Variants in MAPK9 observed in about 807,000 individuals in gnomAD.
MAPK9 encodes the protein Jun kinase.
In MAPK9, 30 loss-of-function variants were observed where a neutral mutation model predicts 57.1. The ratio of observed to expected loss-of-function variants is 0.53; its 90% confidence interval spans 0.39 to 0.71. The LOEUF is 0.71. Ranked by LOEUF, MAPK9 falls within the 30% of genes least tolerant of loss-of-function variation. The pLI is 0.00. For synonymous variants in MAPK9, 155 were observed against 177.0 expected, an observed-to-expected ratio of 0.88 and a Z score of 0.99; for missense variants, 362 against 521.0, an observed-to-expected ratio of 0.69 and a Z score of 2.97.
At chr5:180,264,939 G>A in intron 3 of MAPK9, 100 bp from the exon 4 acceptor site, 1 of 951,020 alleles carries the variant, frequency 1.1e-6, no homozygotes, top group Non-Finnish European at 1.4e-6. Context: ...AAAAATCACA[G>A]CAGAATTCAG....
chr5:180,291,613 G>A (rs912954627), intron 1 of MAPK9, among the ~76,000 whole-genome samples: 2 of 151,994 alleles, frequency 1.3e-5, no homozygotes, highest in Non-Finnish European at 2.9e-5. Context: ...CAGACCCCAC[G>A]GGCAGGTCGG....
intron 1 of MAPK9, among the ~76,000 whole-genome samples, chr5:180,281,065 T>A (rs17080153): frequency 0.067 from 10,207 of 152,246 alleles, 1,030 homozygotes; most frequent in African/African-American, 0.22. Flanking sequence ...CTGCTCAGTG[T>A]ATAGATTCTG....
At chr5:180,245,873 C>T (rs934616740) in intron 7 of MAPK9, among the ~76,000 whole-genome samples, 2 of 152,176 alleles carry the variant, frequency 1.3e-5, no homozygotes, top group African/African-American at 4.8e-5. Context: ...CTGATTTCTG[C>T]AACTTTTTTC....
At chr5:180,248,878 A>C (rs1165496435) in intron 6 of MAPK9, 95 bp downstream of exon 6, 5 of 1,360,938 alleles carry the variant, frequency 3.7e-6, no homozygotes, top group Non-Finnish European at 5.0e-6. Flanking sequence ...CCCACAGTAT[A>C]TATCATATGG....
rs200430102 is a variant in MAPK9, at chr5:180,245,599, A to G, written c.688+1840T>C. The stretch of plus-strand genomic sequence containing the variant: ...TGAGAGGGACGGGGGAAGGGGAACA[A>G]TAATTCCGACAAGCCCAGTGGACCC... On this transcript the variant is annotated intron_variant, in intron 7 of 11. Transcript: ENST00000452135. Among the ~76,000 whole-genome samples, 6 of 152,286 alleles carry G rather than the reference A, an allele frequency of 3.9e-5. No homozygotes were observed. In the East Asian group the frequency reaches 9.7e-4, roughly 25 times the overall value.
intron 5 of MAPK9, 115 bp downstream of exon 5, chr5:180,261,569 T>C (rs1328596993): frequency 2.0e-6 from 2 of 1,007,182 alleles, no homozygotes; most frequent in Non-Finnish European, 2.8e-6. Context: ...TATGATTCCA[T>C]CATCTATTTG....
Position 180,236,239 on chromosome 5 carries a change from T to C in MAPK9, c.*145A>G. ...ATTTTATCATCTAAGCAGGCAATCC[T>C]ATCAGGTCTGAGTAGGGCAAGGCAT... On this transcript the variant is annotated 3_prime_UTR_variant, in exon 12 of 12. Transcript: ENST00000452135. 1 of 822,982 alleles carries C rather than the reference T, an allele frequency of 1.2e-6. No homozygotes were observed. The highest frequency in any genetic ancestry group is 1.7e-6 in the Non-Finnish European group (1 of 585,202). 51.0% of individuals were successfully genotyped at this position (822,982 alleles called of 1,614,324 possible).
At chr5:180,245,166 ATCTC>A (rs1261422730) in intron 7 of MAPK9, among the ~76,000 whole-genome samples, 2 of 152,134 alleles carry the variant, frequency 1.3e-5, no homozygotes, top group African/African-American at 4.8e-5. Context: ...ACCCACTTTG[ATCTC>A]TCTATCCCAG....
intron 4 of MAPK9, among the ~76,000 whole-genome samples, chr5:180,262,521 G>A (rs142917002): frequency 0.012 from 1,854 of 151,434 alleles, 51 homozygotes; most frequent in South Asian, 0.083. Context: ...TCCACCTCCC[G>A]GGTTCAAGCC....
intron 4 of MAPK9, among the ~76,000 whole-genome samples, chr5:180,263,799 G>A (rs532003968): frequency 1.4e-5 from 2 of 145,220 alleles, no homozygotes; most frequent in African/African-American, 2.6e-5. Context: ...TCCACCTCCC[G>A]GGTTCACACC....
chr5:180,277,109 C>T (rs1384608629), intron 2 of MAPK9, among the ~76,000 whole-genome samples: 3 of 152,210 alleles, frequency 2.0e-5, no homozygotes, highest in African/African-American at 7.2e-5. Context: ...TAACTAGTTG[C>T]ATAAACCATA....
At chr5:180,268,623 C>T (rs1300240675) in intron 3 of MAPK9, among the ~76,000 whole-genome samples, 2 of 151,898 alleles carry the variant, frequency 1.3e-5, no homozygotes, top group Admixed American at 6.6e-5. Context: ...GTCAGGAGAT[C>T]GAGACCATCC....
At chr5:180,259,981 C>T (rs1294935413) in intron 5 of MAPK9, among the ~76,000 whole-genome samples, 1 of 152,152 alleles carries the variant, frequency 6.6e-6, no homozygotes. Flanking sequence ...TGGAGGAAAA[C>T]CGTATAATTT....
In MAPK9 at chr5:180,241,070, T is replaced by C. The variant is rs1445590781; in HGVS notation, c.957A>G (p.Pro319=). 9.3e-6 allele frequency: 15 copies of C among 1,614,054 alleles called. No homozygotes were observed. The highest frequency in any genetic ancestry group is 1.3e-5 in the Non-Finnish European group (15 of 1,179,976). The change falls in exon 9 of 12, where the codon CCA becomes CCG. Residue 319 remains proline, a synonymous_variant. Transcript: ENST00000452135. ...CGGGGTCATACCAAACAGTGATGTA[T>C]GGGTGACGCAGAGCTTCGTCTACAG... ...RISVDEALRH[P]YITVWYDPAE... is the part of the protein sequence containing the mutation.
intron 5 of MAPK9, among the ~76,000 whole-genome samples, chr5:180,255,587 T>TA (rs1759190268): frequency 6.7e-6 from 1 of 150,254 alleles, no homozygotes; most frequent in East Asian, 2.0e-4. Flanking sequence ...CTCACACAAA[T>TA]AGAGTATAAG....
chr5:180,290,428 G>C (rs1244193833), intron 1 of MAPK9, among the ~76,000 whole-genome samples: 1 of 152,114 alleles, frequency 6.6e-6, no homozygotes, highest in Non-Finnish European at 1.5e-5. Flanking sequence ...TACAGTCCTG[G>C]AACTAAGTGT....
chr5:180,261,356 T>C lies in MAPK9; in HGVS notation c.450+328A>G, dbSNP rs79753732. On this transcript the variant is annotated intron_variant, in intron 5 of 11. Coordinates refer to ENST00000452135, the MANE Select transcript of MAPK9 (RefSeq NM_002752.5). ...TTAAAAACAGGTGAATGTAGATAAA[T>C]GGTAGTTGGAAGTTCTCTGTCCTAT... is the stretch of plus-strand genomic sequence containing the variant. Among the ~76,000 whole-genome samples the C allele has an allele frequency of 3.3e-3, 501 of 152,348 alleles. 2 individuals are homozygous for C. Among genetic ancestry groups the C allele is most frequent in the South Asian group, 0.017 (82 of 4,834 alleles).
chr5:180,235,439 G>A lies in MAPK9; in HGVS notation c.*945C>T, dbSNP rs1427435275. On this transcript the variant is annotated 3_prime_UTR_variant, in exon 12 of 12. Coordinates refer to ENST00000452135, the MANE Select transcript of MAPK9 (RefSeq NM_002752.5). ...GAAGCACTTAGGAAATGACTGCAGT[G>A]ATCTCTAGTGAGCATTTTGTAAAAT... 1.3e-5 allele frequency: 2 copies of A among 152,220 alleles called. No individual in the cohort carries two copies. Among genetic ancestry groups the A allele is most frequent in the African/African-American group, 4.8e-5 (2 of 41,446 alleles). 9.4% of individuals were successfully genotyped at this position (152,220 alleles called of 1,614,324 possible).
At chr5:180,271,059 G>T (rs916003299) in intron 2 of MAPK9, among the ~76,000 whole-genome samples, 4 of 152,058 alleles carry the variant, frequency 2.6e-5, no homozygotes, top group Non-Finnish European at 5.9e-5. Flanking sequence ...GTTCTCATCA[G>T]AAACTTTTAA....
Sources: allele counts gnomAD v4.1 joint callset (sites outside exome capture counted in the v4.1 genomes callset), GRCh38; gene constraint gnomAD v4.1.1; transcripts MANE v1.5; gene names NCBI Gene and HGNC (gene_info 2026-07-23, HGNC 2026-07-21).